Variants in TMEM132B observed in about 807,000 individuals in gnomAD.
TMEM132B encodes the protein transmembrane protein 132B.
In TMEM132B, 18 loss-of-function variants were observed where a neutral mutation model predicts 90.8. The ratio of observed to expected loss-of-function variants is 0.20; its 90% CI spans 0.14 to 0.29. The LOEUF is 0.29. Ranked by LOEUF, TMEM132B falls within the 10% of genes least tolerant of loss-of-function variation. TMEM132B has a pLI of 1.00. For missense variants in TMEM132B, 1,096 were observed against 1,326.8 expected, an observed-to-expected ratio of 0.83 and a Z score of 2.70; for synonymous variants, 504 against 523.3, an observed-to-expected ratio of 0.96 and a Z score of 0.50.
chr12:125,256,915 C>T (rs1874450934), intron 1 of TMEM132B, among the ~76,000 whole-genome samples: 1 of 152,152 alleles, frequency 6.6e-6, no homozygotes, highest in Non-Finnish European at 1.5e-5. Context: ...GAGATTTCTG[C>T]TTCTCAGGAG....
Position 125,659,586 on chromosome 12 carries a change from AG to A in TMEM132B, c.*4880del, listed in dbSNP as rs1440731813. ...GGTGGTACACTTGCCAAGTGCCTAG[AG>A]GGGCTAGAGGCTCTCTGTTGGTGTG... On this transcript the variant is annotated 3_prime_UTR_variant, in exon 9 of 9. Coordinates refer to ENST00000682704, the MANE Select transcript of TMEM132B (RefSeq NM_001366854.1). 3 of 152,186 alleles carry A rather than the reference AG, an allele frequency of 2.0e-5. No homozygotes were observed. The highest frequency in any genetic ancestry group is 1.3e-4 in the Admixed American group (2 of 15,280). 9.4% of individuals were successfully genotyped at this position (152,186 alleles called of 1,614,324 possible). A position where few individuals can be genotyped will look rare whatever the true frequency, so the allele number is the denominator to read the frequency against.
At chr12:125,551,023 G>C (rs1321030831) in intron 4 of TMEM132B, among the ~76,000 whole-genome samples, 1 of 152,222 alleles carries the variant, frequency 6.6e-6, no homozygotes, top group Non-Finnish European at 1.5e-5. Flanking sequence ...ATGTTGGCCA[G>C]GCTGGTCTTA....
intron 1 of TMEM132B, among the ~76,000 whole-genome samples, chr12:125,217,253 C>T (rs1360521390): frequency 6.6e-6 from 1 of 152,090 alleles, no homozygotes; most frequent in Non-Finnish European, 1.5e-5. Flanking sequence ...GGCAGCTAGG[C>T]AGGAGGGTGG....
intron 1 of TMEM132B, among the ~76,000 whole-genome samples, chr12:125,215,333 A>G (rs1565976761): frequency 6.6e-6 from 1 of 152,214 alleles, no homozygotes; most frequent in Non-Finnish European, 1.5e-5. Context: ...CCCAGCTAAA[A>G]TCAGGGTGTC....
intron 4 of TMEM132B, among the ~76,000 whole-genome samples, chr12:125,571,412 G>T (rs1884791942): frequency 6.6e-6 from 1 of 152,070 alleles, no homozygotes. Context: ...GCACTTTGTT[G>T]GTTATCAAAT....
chr12:125,203,496 T>C (rs894084146), intron 1 of TMEM132B, among the ~76,000 whole-genome samples: 1 of 152,224 alleles, frequency 6.6e-6, no homozygotes, highest in Admixed American at 6.5e-5. Flanking sequence ...ATTTTATATG[T>C]TAATTGGTTA....
At chr12:125,188,390 G>T (rs111560842) in intron 1 of TMEM132B, among the ~76,000 whole-genome samples, 1 of 152,182 alleles carries the variant, frequency 6.6e-6, no homozygotes, top group African/African-American at 2.4e-5. Context: ...GCAGTCCCTC[G>T]GACTTGAAAA....
Position 125,349,822 on chromosome 12 carries a change from T to C in TMEM132B, c.438T>C (p.Tyr146=), listed in dbSNP as rs770887962. The C allele has an allele frequency of 6.8e-6, 11 of 1,614,246 alleles. No individual in the cohort carries two copies. In the South Asian group the frequency reaches 8.8e-5, roughly 13 times the overall value. Residue 146 remains tyrosine (Y), a synonymous_variant, in exon 2 of 9, where the codon TAT becomes TAC. Transcript: ENST00000682704. This position sits in a 1 kb window ranked among gnomAD's most constrained non-coding sequence, Gnocchi z 4.1. ...SNRPKVQTLF[Y]VTGMGWDDSD... ...GACCCAAAGTGCAGACCTTGTTTTA[T>C]GTCACTGGCATGGGCTGGGATGACA...
chr12:125,555,350 G>T (rs1884347504), intron 4 of TMEM132B, among the ~76,000 whole-genome samples: 1 of 151,844 alleles, frequency 6.6e-6, no homozygotes, highest in African/African-American at 2.4e-5. Context: ...GTAATATTTT[G>T]GTTGAAGGCA....
intron 3 of TMEM132B, among the ~76,000 whole-genome samples, chr12:125,444,385 A>G (rs536034582): frequency 6.6e-6 from 1 of 152,288 alleles, no homozygotes; most frequent in Admixed American, 6.5e-5. Context: ...ATATTTTATT[A>G]TAGCTGTTTA....
intron 1 of TMEM132B, among the ~76,000 whole-genome samples, chr12:125,312,479 C>T (rs1182202317): frequency 6.6e-6 from 1 of 152,230 alleles, no homozygotes; most frequent in Non-Finnish European, 1.5e-5. Context: ...AAGAAATTCA[C>T]ATTAAGAATG....
At chr12:125,290,863 T>G (rs1483582603) in intron 1 of TMEM132B, among the ~76,000 whole-genome samples, 1 of 152,174 alleles carries the variant, frequency 6.6e-6, no homozygotes, top group Non-Finnish European at 1.5e-5. Context: ...GTAGACAGAA[T>G]TGAAGGTACA....
At chr12:125,599,550 T>TG (rs1459500407) in intron 5 of TMEM132B, among the ~76,000 whole-genome samples, 2 of 152,014 alleles carry the variant, frequency 1.3e-5, no homozygotes, top group Non-Finnish European at 2.9e-5. Flanking sequence ...GTGAGTGGTG[T>TG]AGGGTGTGTG....
intron 1 of TMEM132B, among the ~76,000 whole-genome samples, chr12:125,320,398 C>T (rs1043525611): frequency 2.6e-5 from 4 of 152,182 alleles, no homozygotes; most frequent in Non-Finnish European, 5.9e-5. Flanking sequence ...TCTACCATAA[C>T]GGTGGCTGTA....
At chr12:125,403,586 G>A (rs1879380284) in intron 2 of TMEM132B, among the ~76,000 whole-genome samples, 1 of 152,112 alleles carries the variant, frequency 6.6e-6, no homozygotes, top group South Asian at 2.1e-4. Flanking sequence ...GATGTTCCTG[G>A]GCTTAAATTG....
intron 1 of TMEM132B, among the ~76,000 whole-genome samples, chr12:125,329,006 C>T (rs1027838693): frequency 2.0e-5 from 3 of 152,082 alleles, no homozygotes; most frequent in South Asian, 2.1e-4. Context: ...ACTGAATGTT[C>T]GCATTCTCCC....
Position 125,251,495 on chromosome 12 carries a change from A to T in TMEM132B, c.67+64629A>T, listed in dbSNP as rs1874315496. 6.6e-6 allele frequency among the ~76,000 whole-genome samples: 1 copy of T among 152,216 alleles called. No homozygotes were observed. Among genetic ancestry groups the T allele is most frequent in the Non-Finnish European group, 1.5e-5 (1 of 68,034 alleles). On this transcript the variant is annotated intron_variant, in intron 1 of 8. Transcript: ENST00000682704. This position sits in a 1 kb window ranked among gnomAD's most constrained non-coding sequence, Gnocchi z 4.4. The stretch of plus-strand genomic sequence containing the variant: ...CACAGGAAATGTATGAGAGGGAAGA[A>T]GTCTGGGTTTAAGAAATTCGCTGCT...
chr12:125,548,394 CT>C (rs148944219), intron 4 of TMEM132B, among the ~76,000 whole-genome samples: 4 of 152,194 alleles, frequency 2.6e-5, no homozygotes, highest in Non-Finnish European at 4.4e-5. Flanking sequence ...CACAACTCTA[CT>C]TTTTTTTATT....
intron 3 of TMEM132B, among the ~76,000 whole-genome samples, chr12:125,515,217 T>C (rs1451323382): frequency 1.4e-5 from 2 of 147,128 alleles, no homozygotes; most frequent in African/African-American, 5.2e-5. Context: ...AACACACACG[T>C]TCACACATTC....
Sources: gnomAD v4.1 joint callset for allele counts (sites outside exome capture counted in the v4.1 genomes callset) on GRCh38, gnomAD v4.1.1 for gene constraint, Gnocchi (gnomAD v3.1) non-coding constraint, MANE v1.5 for transcripts, NCBI Gene and HGNC (gene_info 2026-07-23, HGNC 2026-07-21) for gene names.